Variants in UNC79 observed in about 807,000 individuals in gnomAD.
UNC79 encodes the protein unc-79 subunit of NALCN channel complex.
In UNC79, 37 loss-of-function variants were observed where a neutral mutation model predicts 283.1. That is an observed-to-expected ratio of 0.13 (90% CI 0.10 to 0.17). The LOEUF (loss-of-function observed/expected upper bound fraction) is 0.17, where lower values mean the gene tolerates loss of function less well. Ranked by LOEUF, UNC79 falls within the 10% of genes least tolerant of loss-of-function variation. The pLI is 1.00. For synonymous variants in UNC79, 1,107 were observed against 1,200.2 expected (o/e 0.92, Z 1.61); for missense variants, 2,272 against 3,211.1 (o/e 0.71, Z 7.07).
chr14:93,602,555 T>TTGCTTTGC (rs1445926293), intron 25 of UNC79, among the ~76,000 whole-genome samples: 1 of 152,218 alleles, frequency 6.6e-6, no homozygotes, highest in African/African-American at 2.4e-5. Context: ...AGATGCATTC[T>TTGCTTTGC]TTTTGCTTAG....
intron 26 of UNC79, among the ~76,000 whole-genome samples, chr14:93,609,259 A>G (rs1337930262): frequency 1.3e-5 from 2 of 152,224 alleles, no homozygotes; most frequent in Non-Finnish European, 2.9e-5. Context: ...ACCATGAGCA[A>G]AGGTGCAAAG....
chr14:93,548,664 A>G (rs1184024158), intron 14 of UNC79, among the ~76,000 whole-genome samples: 3 of 152,200 alleles, frequency 2.0e-5, no homozygotes, highest in Non-Finnish European at 4.4e-5. Context: ...TGTCTTCCCC[A>G]TACTTCCCTT....
At chr14:93,465,646 C>T (rs2057144394) in intron 1 of UNC79, among the ~76,000 whole-genome samples, 1 of 152,186 alleles carries the variant, frequency 6.6e-6, no homozygotes, top group South Asian at 2.1e-4. Context: ...TGCTTGTAAT[C>T]ATTGTGTAGT....
At chr14:93,587,727 A>C (rs1362095365) in intron 22 of UNC79, among the ~76,000 whole-genome samples, 1 of 152,214 alleles carries the variant, frequency 6.6e-6, no homozygotes, top group Non-Finnish European at 1.5e-5. Context: ...GGTGGTCTTC[A>C]TAATAACCCC....
At chr14:93,613,047 A>G in exon 27 of UNC79, 1 of 1,614,236 alleles carries the variant, frequency 6.2e-7, no homozygotes, top group Non-Finnish European at 8.5e-7. Flanking sequence ...TGCGCCTGTC[A>G]ACTTGCTTTA....
In UNC79 at chr14:93,589,101, A is replaced by T. The variant is rs574215388; in HGVS notation, c.3032+2193A>T. 1.3e-4 allele frequency among the ~76,000 whole-genome samples: 20 copies of T among 152,318 alleles called. No homozygotes were observed. The South Asian group carries it at 4.2e-3, about 32-fold the overall frequency. On this transcript the variant is annotated intron_variant, in intron 22 of 48. Transcript: ENST00000555664. ...ACGAGGAAAGCAGCAGGAAGTAAACAAGAAATAACCAAAGAATCACCAGCT... is the reference window on the plus strand; with the variant it reads ...ACGAGGAAAGCAGCAGGAAGTAAACTAGAAATAACCAAAGAATCACCAGCT...
At chr14:93,678,651 T>A (rs2073564745) in intron 41 of UNC79, among the ~76,000 whole-genome samples, 2 of 152,202 alleles carry the variant, frequency 1.3e-5, no homozygotes, top group Admixed American at 1.3e-4. Context: ...TCCTAGAAGT[T>A]CTCCCTGGAG....
intron 1 of UNC79, among the ~76,000 whole-genome samples, chr14:93,382,461 GATT>G (rs2054683266): frequency 6.6e-6 from 1 of 152,028 alleles, no homozygotes; most frequent in Non-Finnish European, 1.5e-5. Flanking sequence ...TCCAGAGGAA[GATT>G]ATTATTATAT....
intron 11 of UNC79, among the ~76,000 whole-genome samples, chr14:93,534,935 A>G (rs904149808): frequency 1.3e-5 from 2 of 152,240 alleles, no homozygotes; most frequent in African/African-American, 4.8e-5. Context: ...CATTAAGTTC[A>G]TAACAGTTCA....
At chr14:93,543,206 A>ATG (rs150048710) in intron 14 of UNC79, among the ~76,000 whole-genome samples, 1 of 151,312 alleles carries the variant, frequency 6.6e-6, no homozygotes, top group Non-Finnish European at 1.5e-5. Flanking sequence ...AATCATGTAT[A>ATG]TATATATATA....
At chr14:93,416,596 G>A (rs1347842994) in intron 1 of UNC79, among the ~76,000 whole-genome samples, 1 of 152,144 alleles carries the variant, frequency 6.6e-6, no homozygotes, top group Admixed American at 6.6e-5. Flanking sequence ...CTGTCTCATT[G>A]ATCTGTCTAA....
intron 1 of UNC79, among the ~76,000 whole-genome samples, chr14:93,343,921 TA>T (rs1344079804): frequency 6.6e-6 from 1 of 151,780 alleles, no homozygotes; most frequent in East Asian, 1.9e-4. Context: ...TTGAAAATTG[TA>T]GAGGTTTGAG....
chr14:93,503,100 C>T (rs1305712733), intron 7 of UNC79, among the ~76,000 whole-genome samples: 1 of 152,154 alleles, frequency 6.6e-6, no homozygotes. Context: ...CCAAAGGTAA[C>T]TACTGACATG....
At chr14:93,353,007 A>G (rs1471360643) in intron 1 of UNC79, among the ~76,000 whole-genome samples, 3 of 152,170 alleles carry the variant, frequency 2.0e-5, no homozygotes, top group Non-Finnish European at 4.4e-5. Flanking sequence ...GGTAGGTTCA[A>G]CAGTTGGGGG....
intron 1 of UNC79, among the ~76,000 whole-genome samples, chr14:93,380,252 A>AT (rs1555401678): frequency 2.6e-5 from 4 of 152,164 alleles, no homozygotes; most frequent in Non-Finnish European, 5.9e-5. Context: ...CAGAGTAAAC[A>AT]TTTTTTCATT....
At chr14:93,354,394 A>G (rs1273424176) in intron 1 of UNC79, among the ~76,000 whole-genome samples, 1 of 152,256 alleles carries the variant, frequency 6.6e-6, no homozygotes, top group African/African-American at 2.4e-5. Context: ...TCATTGGAGC[A>G]TTTCAGATTT....
chr14:93,468,710 C>T (rs2057345603), intron 2 of UNC79, among the ~76,000 whole-genome samples: 1 of 152,198 alleles, frequency 6.6e-6, no homozygotes, highest in Admixed American at 6.5e-5. Flanking sequence ...TTCATGCGAT[C>T]AAGTCAGCTA....
intron 1 of UNC79, among the ~76,000 whole-genome samples, chr14:93,370,270 G>A (rs1031091483): frequency 1.3e-5 from 2 of 152,184 alleles, no homozygotes; most frequent in East Asian, 1.9e-4. Context: ...AATTTAAAAC[G>A]ACTATGATTA....
At chr14:93,501,718 A>G (rs2059299970) in intron 7 of UNC79, among the ~76,000 whole-genome samples, 3 of 152,160 alleles carry the variant, frequency 2.0e-5, no homozygotes, top group Admixed American at 2.0e-4. Context: ...AGCAATATGT[A>G]AGGAGGAAAA....
Sources: gnomAD v4.1 joint callset for allele counts (sites outside exome capture counted in the v4.1 genomes callset) on GRCh38, gnomAD v4.1.1 for gene constraint, MANE v1.5 for transcripts, NCBI Gene and HGNC (gene_info 2026-07-23, HGNC 2026-07-21) for gene names.